Variants in ZC3H12B observed in about 807,000 individuals in gnomAD.
The protein encoded by ZC3H12B is zinc finger CCCH-type containing 12B, also known as probable ribonuclease ZC3H12B.
Under a neutral mutation model 43.9 loss-of-function variants are expected in ZC3H12B, and 7 were observed. The ratio of observed to expected loss-of-function variants is 0.16; its 90% CI spans 0.09 to 0.30. The LOEUF (loss-of-function observed/expected upper bound fraction) is 0.30. ZC3H12B is among the 10% of genes least tolerant of loss of function. The probability of loss-of-function intolerance (pLI) is 1.00; values close to 1 mark genes in which losing one functional copy is unlikely to be tolerated. For synonymous variants in ZC3H12B, 222 were observed against 241.7 expected (o/e 0.92, Z 0.76); for missense variants, 475 against 670.2 (o/e 0.71, Z 3.22).
chrX:65,340,898 G>T, the ZC3H12B span, among the ~76,000 whole-genome samples: 1 of 111,871 alleles, frequency 8.9e-6, no homozygotes, highest in East Asian at 2.8e-4. Flanking sequence ...ATATGAATAG[G>T]AACAAAGATC....
the ZC3H12B span, among the ~76,000 whole-genome samples, chrX:65,147,286 G>A: frequency 1.8e-5 from 2 of 111,921 alleles, no homozygotes; most frequent in Admixed American, 1.9e-4. Context: ...TGCTGCTGCA[G>A]TCCTCAGGAA....
the ZC3H12B span, among the ~76,000 whole-genome samples, chrX:65,360,273 A>G: frequency 8.9e-6 from 1 of 112,507 alleles, no homozygotes; most frequent in Non-Finnish European, 1.9e-5. Context: ...TGAATATGCA[A>G]TATTTTCAAG....
the ZC3H12B span, among the ~76,000 whole-genome samples, chrX:65,205,461 T>C: frequency 8.9e-6 from 1 of 111,839 alleles, no homozygotes; most frequent in Non-Finnish European, 1.9e-5. Flanking sequence ...AGGAAAGGCA[T>C]TTGACAAAAT....
the ZC3H12B span, among the ~76,000 whole-genome samples, chrX:65,220,304 A>G: frequency 8.9e-6 from 1 of 111,766 alleles, no homozygotes; most frequent in Non-Finnish European, 1.9e-5. Context: ...AAAAAAACCC[A>G]AGGTGCTGAG....
chrX:65,070,783 T>C, the ZC3H12B span, among the ~76,000 whole-genome samples: 4 of 109,031 alleles, frequency 3.7e-5, no homozygotes, highest in Admixed American at 3.0e-4. Context: ...TTGTATTGCA[T>C]TGTGGTCCAA....
At chrX:65,189,118 A>C in the ZC3H12B span, among the ~76,000 whole-genome samples, 1 of 104,835 alleles carries the variant, frequency 9.5e-6, no homozygotes. Context: ...CCTACAAAGG[A>C]CATGAACTCA....
intron 2 of ZC3H12B, among the ~76,000 whole-genome samples, chrX:65,396,231 A>G (rs1247485783): frequency 9.0e-6 from 1 of 110,976 alleles, no homozygotes; most frequent in African/African-American, 3.3e-5. Context: ...TAGCTTTTGA[A>G]TTTGTTTGCT....
At chrX:65,333,563 T>A in the ZC3H12B span, among the ~76,000 whole-genome samples, 1 of 112,173 alleles carries the variant, frequency 8.9e-6, no homozygotes. Context: ...AAAGATTAAT[T>A]CAGTCTTCTA....
the ZC3H12B span, among the ~76,000 whole-genome samples, chrX:65,344,283 T>C: frequency 8.9e-6 from 1 of 111,993 alleles, no homozygotes; most frequent in African/African-American, 3.2e-5. Context: ...CCAATGCTAT[T>C]CCTATCAAAC....
At chrX:65,423,814 C>G (rs1009725728) in intron 3 of ZC3H12B, among the ~76,000 whole-genome samples, 2 of 111,778 alleles carry the variant, frequency 1.8e-5, no homozygotes, top group African/African-American at 3.3e-5. Context: ...TCTGTTCACT[C>G]TGATGATAGT....
the ZC3H12B span, among the ~76,000 whole-genome samples, chrX:65,320,183 A>G: frequency 8.9e-6 from 1 of 111,834 alleles, no homozygotes; most frequent in Admixed American, 9.5e-5. Flanking sequence ...TTAAGCTGAT[A>G]AACAATATCA....
the ZC3H12B span, among the ~76,000 whole-genome samples, chrX:65,194,050 C>T: frequency 1.8e-5 from 2 of 109,088 alleles, no homozygotes; most frequent in Non-Finnish European, 3.8e-5. Flanking sequence ...AACCAGATAT[C>T]ACGAGAGCAG....
the ZC3H12B span, among the ~76,000 whole-genome samples, chrX:65,056,841 G>C: frequency 3.3e-3 from 370 of 111,734 alleles, 3 homozygotes; most frequent in African/African-American, 0.012. Context: ...TTACTATTAT[G>C]TAATGGCCTT....
chrX:65,371,003 C>A (rs2066236843), intron 2 of ZC3H12B, among the ~76,000 whole-genome samples: 4 of 111,812 alleles, frequency 3.6e-5, no homozygotes, highest in Admixed American at 2.9e-4. Context: ...TCACTGTCCC[C>A]TTTTATACAG....
chrX:65,138,248 C>T, the ZC3H12B span, among the ~76,000 whole-genome samples: 1 of 111,845 alleles, frequency 8.9e-6, no homozygotes. Flanking sequence ...CTTTCCCCTC[C>T]ACCCCTAACC....
the ZC3H12B span, among the ~76,000 whole-genome samples, chrX:65,159,489 G>C: frequency 1.8e-5 from 2 of 111,516 alleles, no homozygotes; most frequent in African/African-American, 6.5e-5. Flanking sequence ...CACATCCCTT[G>C]TAAGTTGGAT....
chrX:65,151,516 G>C, the ZC3H12B span, among the ~76,000 whole-genome samples: 2 of 111,747 alleles, frequency 1.8e-5, no homozygotes, highest in East Asian at 5.6e-4. Flanking sequence ...AGCTTTCCCT[G>C]TAAATTTTGA....
chrX:65,161,589 G>A, the ZC3H12B span, among the ~76,000 whole-genome samples: 1 of 111,330 alleles, frequency 9.0e-6, no homozygotes, highest in Non-Finnish European at 1.9e-5. Context: ...TGCAACCCCT[G>A]CCTTTTTTTG....
At chrX:65,202,524 A>T in the ZC3H12B span, among the ~76,000 whole-genome samples, 1 of 110,020 alleles carries the variant, frequency 9.1e-6, no homozygotes, top group Non-Finnish European at 1.9e-5. Context: ...CAACCAGAAG[A>T]TGTGTCTGGG....
Sources: gnomAD v4.1 joint callset for allele counts (sites outside exome capture counted in the v4.1 genomes callset) on GRCh38, gnomAD v4.1.1 for gene constraint, MANE v1.5 for transcripts, NCBI Gene and HGNC (gene_info 2026-07-23, HGNC 2026-07-21) for gene names.